PTPRD: variants seen among roughly 807,000 people sequenced by gnomAD.
PTPRD encodes protein tyrosine phosphatase receptor type D.
Under a neutral mutation model 214.5 loss-of-function variants are expected in PTPRD, and 34 were observed. The ratio of observed to expected loss-of-function variants is 0.16; its 90% CI spans 0.12 to 0.21. The LOEUF (loss-of-function observed/expected upper bound fraction) is 0.21. Among genes scored for constraint, PTPRD ranks in the 10% least tolerant of loss-of-function variants. PTPRD has a pLI of 1.00. For synonymous variants in PTPRD, 1,128 were observed against 845.7 expected, an observed-to-expected ratio of 1.33 and a Z score of -5.79; for missense variants, 2,545 against 2,398.7, an observed-to-expected ratio of 1.06 and a Z score of -1.27.
intron 14 of PTPRD, among the ~76,000 whole-genome samples, chr9:8,626,163 T>C (rs945004691): frequency 4.0e-5 from 6 of 151,860 alleles, no homozygotes; most frequent in African/African-American, 1.2e-4. Context: ...AAAACCAGGA[T>C]ACTGAATTTT....
chr9:10,060,881 CTTCCTTCCTTCCTTCCTTCTTTCTTTCT>C (rs1567406546), intron 3 of PTPRD, among the ~76,000 whole-genome samples: 2 of 68,370 alleles, frequency 2.9e-5, no homozygotes, highest in African/African-American at 2.2e-4. Flanking sequence ...TCCTTCCTTC[CTTCCTTCCTTCCTTCCTTCTTTCTTTCT>C]TTCTTTCTTT....
At chr9:9,980,223 T>C (rs1054978475) in intron 4 of PTPRD, among the ~76,000 whole-genome samples, 7 of 152,134 alleles carry the variant, frequency 4.6e-5, no homozygotes, top group African/African-American at 1.7e-4. Context: ...AAAGTTATTT[T>C]AAAATATTAA....
rs558957610 is a variant in PTPRD at position 9,953,507 on chromosome 9, C to T, written c.-471-14897G>A. Among the ~76,000 whole-genome samples the T allele has an allele frequency of 2.2e-4, 33 of 152,038 alleles. 1 individual carries two copies. The highest frequency in any genetic ancestry group is 7.5e-4 in the African/African-American group (31 of 41,482). ...AGGGAATTGTGGACACACACACACA[C>T]ACACACACACACACACATACATACA... is the stretch of plus-strand genomic sequence containing the variant. On this transcript the variant is annotated intron_variant, in intron 4 of 45. Coordinates refer to ENST00000381196, the MANE Select transcript of PTPRD (RefSeq NM_002839.4).
chr9:8,778,379 G>C (rs535975173), intron 11 of PTPRD, among the ~76,000 whole-genome samples: 5 of 152,088 alleles, frequency 3.3e-5, no homozygotes, highest in African/African-American at 1.2e-4. Context: ...TCTTTTGCCT[G>C]GCCAATATCT....
intron 11 of PTPRD, among the ~76,000 whole-genome samples, chr9:8,743,022 T>A (rs2092273930): frequency 7.0e-6 from 1 of 143,742 alleles, no homozygotes; most frequent in South Asian, 2.3e-4. Context: ...CAAGAAATTA[T>A]CCCATTCAGA....
intron 3 of PTPRD, among the ~76,000 whole-genome samples, chr9:10,063,406 A>G (rs1274373711): frequency 1.3e-5 from 2 of 152,096 alleles, no homozygotes; most frequent in African/African-American, 4.8e-5. Flanking sequence ...TTGATAAAAA[A>G]GAGTAATAAC....
chr9:9,443,759 C>A (rs1480567396), intron 8 of PTPRD, among the ~76,000 whole-genome samples: 1 of 152,060 alleles, frequency 6.6e-6, no homozygotes, highest in Non-Finnish European at 1.5e-5. Context: ...CTAGTTGGCA[C>A]CCATGGAATA....
chr9:8,332,206 G>A (rs534098279), intron 43 of PTPRD, among the ~76,000 whole-genome samples: 2 of 152,158 alleles, frequency 1.3e-5, no homozygotes, highest in African/African-American at 4.8e-5. Flanking sequence ...CCAGACCAGA[G>A]CTTTTGCAGT....
At chr9:8,409,801 G>C (rs1486798254) in intron 35 of PTPRD, among the ~76,000 whole-genome samples, 1 of 152,102 alleles carries the variant, frequency 6.6e-6, no homozygotes, top group Non-Finnish European at 1.5e-5. Context: ...TCCTGTTTTT[G>C]TGTGTTTTTA....
intron 7 of PTPRD, among the ~76,000 whole-genome samples, chr9:9,590,687 A>C (rs1396263964): frequency 6.6e-6 from 1 of 151,946 alleles, no homozygotes; most frequent in Non-Finnish European, 1.5e-5. Flanking sequence ...ACATAAAAAG[A>C]GCATGAGCTT....
chr9:8,922,314 G>A (rs1483523294), intron 11 of PTPRD, among the ~76,000 whole-genome samples: 1 of 152,042 alleles, frequency 6.6e-6, no homozygotes, highest in Non-Finnish European at 1.5e-5. Flanking sequence ...GAGCTCACTA[G>A]GATATTACTT....
chr9:9,370,188 A>G (rs897873258), intron 9 of PTPRD, among the ~76,000 whole-genome samples: 3 of 152,118 alleles, frequency 2.0e-5, no homozygotes, highest in African/African-American at 7.2e-5. Flanking sequence ...TTGAATCTAT[A>G]AATTACTTTG....
chr9:10,337,551 T>G (rs772679807), intron 3 of PTPRD, among the ~76,000 whole-genome samples: 1 of 151,744 alleles, frequency 6.6e-6, no homozygotes, highest in Non-Finnish European at 1.5e-5. Flanking sequence ...CAAAACAATA[T>G]TTTGTATATT....
intron 7 of PTPRD, among the ~76,000 whole-genome samples, chr9:9,696,692 C>G (rs540058043): frequency 1.8e-4 from 27 of 152,090 alleles, no homozygotes; most frequent in African/African-American, 6.5e-4. Flanking sequence ...CTATGTGTGT[C>G]TTTATAGGTG....
At chr9:9,823,667 G>C (rs2153580357) in intron 5 of PTPRD, among the ~76,000 whole-genome samples, 1 of 152,214 alleles carries the variant, frequency 6.6e-6, no homozygotes, top group Non-Finnish European at 1.5e-5. Context: ...TCATATGTGT[G>C]AGTTAAAAAA....
chr9:9,800,954 G>C (rs2099035861), intron 5 of PTPRD, among the ~76,000 whole-genome samples: 1 of 152,060 alleles, frequency 6.6e-6, no homozygotes, highest in South Asian at 2.1e-4. Flanking sequence ...TTTGACAACT[G>C]TCCAAGCACT....
chr9:9,140,345 C>T (rs1412598425), intron 10 of PTPRD, among the ~76,000 whole-genome samples: 1 of 152,020 alleles, frequency 6.6e-6, no homozygotes, highest in South Asian at 2.1e-4. Flanking sequence ...GTGTACATAC[C>T]CACATATTTA....
chr9:10,336,980 G>C (rs895851881), intron 3 of PTPRD, among the ~76,000 whole-genome samples: 1 of 151,602 alleles, frequency 6.6e-6, no homozygotes, highest in African/African-American at 2.4e-5. Flanking sequence ...CAAGGTCGTA[G>C]TCAAGGAGCC....
chr9:10,477,063 T>G (rs55729544), intron 2 of PTPRD, among the ~76,000 whole-genome samples: 1 of 152,046 alleles, frequency 6.6e-6, no homozygotes, highest in East Asian at 1.9e-4. Context: ...ATTCAGGACA[T>G]AGGCATGGGC....
Sources: gnomAD v4.1 joint callset for allele counts (sites outside exome capture counted in the v4.1 genomes callset) on GRCh38, gnomAD v4.1.1 for gene constraint, MANE v1.5 for transcripts, NCBI Gene and HGNC (gene_info 2026-07-23, HGNC 2026-07-21) for gene names.